The following PALLD variants were observed in gnomAD, a reference collection of about 807,000 sequenced individuals.
PALLD encodes the protein palladin.
PALLD carries 61 observed loss-of-function variants against 123.5 expected under a neutral mutation model. The observed-to-expected ratio is 0.49, with a 90% CI of 0.40 to 0.61. The LOEUF (loss-of-function observed/expected upper bound fraction) is 0.61, where lower values mean the gene tolerates loss of function less well. Among genes scored for constraint, PALLD ranks in the 20% least tolerant of loss-of-function variants. PALLD has a pLI of 0.00. For missense variants in PALLD, 1,273 were observed against 1,377.0 expected (o/e 0.92, Z 1.20); for synonymous variants, 465 against 496.4 (o/e 0.94, Z 0.84).
intron 1 of PALLD, 113 bp from the exon 2 acceptor site, chr4:168,511,310 G>C (rs1762509881): frequency 1.8e-6 from 1 of 567,116 alleles, no homozygotes; most frequent in Non-Finnish European, 3.1e-6. Flanking sequence ...GTAAAATAAA[G>C]AAAACTTATA....
chr4:168,696,375 A>G, intron 8 of PALLD, among the ~76,000 whole-genome samples: 1 of 152,122 alleles, frequency 6.6e-6, no homozygotes. Flanking sequence ...TCCAAAGATA[A>G]TGATTTGGGA....
In PALLD at chr4:168,878,043, C is replaced by T. The variant is rs958031030; in HGVS notation, c.1965-12879C>T. The T allele has an allele frequency of 8.1e-6, 12 of 1,486,866 alleles. No homozygotes were observed. The highest frequency in any genetic ancestry group is 1.1e-5 in the Non-Finnish European group (12 of 1,124,812). The allele number at this position is 1,486,866 out of a possible 1,614,324, so 92.1% of individuals were successfully genotyped here. On this transcript the variant is annotated intron_variant, in intron 10 of 21. Transcript: ENST00000505667. ...TCCAGCCCCAGCTCGTCCAGCCTCC[C>T]GTCGCCCATGTCCCCGACGCCGAGG... is the stretch of plus-strand genomic sequence containing the variant.
intron 2 of PALLD, among the ~76,000 whole-genome samples, chr4:168,602,022 G>A (rs889854460): frequency 7.9e-5 from 12 of 152,224 alleles, no homozygotes; most frequent in Non-Finnish European, 1.2e-4. Context: ...TAATGGGGCC[G>A]GGCAACCACC....
chr4:168,698,270 G>A lies in PALLD; in HGVS notation c.1501+6978G>A, dbSNP rs375334358. On this transcript the variant is annotated intron_variant, in intron 8 of 21. Transcript: ENST00000505667. Reference sequence around the variant, plus strand: ...GTACAAAAATATAGTTAGAAAGAAAGAATAAGACCTAGTATTTGATAGCAC... The same window carrying A: ...GTACAAAAATATAGTTAGAAAGAAAAAATAAGACCTAGTATTTGATAGCAC... 1.2e-4 allele frequency among the ~76,000 whole-genome samples: 19 copies of A among 152,236 alleles called. 1 individual carries two copies. The highest frequency in any genetic ancestry group is 9.6e-4 in the East Asian group (5 of 5,182).
chr4:168,667,977 G>C (rs1188432655), intron 2 of PALLD, among the ~76,000 whole-genome samples: 1 of 152,062 alleles, frequency 6.6e-6, no homozygotes, highest in Non-Finnish European at 1.5e-5. Context: ...AAATGTACAA[G>C]ATGCTTTACA....
chr4:168,676,875 A>G (rs992334809), intron 3 of PALLD, among the ~76,000 whole-genome samples: 11 of 152,100 alleles, frequency 7.2e-5, no homozygotes, highest in South Asian at 2.1e-4. Context: ...CACCGCGCCC[A>G]GCCAGTAGGT....
chr4:168,553,367 A>T (rs1056502039), intron 2 of PALLD, among the ~76,000 whole-genome samples: 8 of 152,222 alleles, frequency 5.3e-5, no homozygotes, highest in African/African-American at 1.9e-4. Context: ...AACAGAGTCT[A>T]AGTCCAAGAT....
At position 168,924,334 on chromosome 4, in the gene PALLD, G is replaced by A; in HGVS notation, c.3138G>A (p.Leu1046=). 2 of 1,613,884 alleles carry A rather than the reference G, an allele frequency of 1.2e-6. No individual in the cohort carries two copies. The highest frequency in any genetic ancestry group is 1.7e-6 in the Non-Finnish European group (2 of 1,179,852). Residue 1046 remains leucine, a synonymous_variant, in exon 19 of 22, where the codon CTG becomes CTA. Coordinates refer to ENST00000505667, the MANE Select transcript of PALLD (RefSeq NM_001166108.2). ...TGVADGYPVR[L]ECRVLGVPPP... is the part of the protein sequence containing the mutation. ...TTGCTGATGGGTACCCAGTGCGGCT[G>A]GAATGTCGTGTATTGGGAGTGCCAC...
chr4:168,916,172 GA>G, intron 17 of PALLD, 145 bp downstream of exon 17: 6 of 836,408 alleles, frequency 7.2e-6, no homozygotes, highest in South Asian at 1.4e-5. Context: ...CAGCACTTTA[GA>G]GTCCAAAGCC....
rs150651873 is a variant in PALLD, at chr4:168,690,338, T to C, written c.1336-265T>C. Among the ~76,000 whole-genome samples the C allele has an allele frequency of 1.8e-3, 275 of 152,300 alleles. 1 individual carries two copies. Among genetic ancestry groups the C allele is most frequent in the African/African-American group, 6.4e-3 (266 of 41,568 alleles). On this transcript the variant is annotated intron_variant, in intron 6 of 21. Coordinates refer to ENST00000505667, the MANE Select transcript of PALLD (RefSeq NM_001166108.2). ...TAAATGCAGAGCAGTCAGTGCAAAT[T>C]TGCAGACAGGCCAGAAAGCTCTACA...
intron 2 of PALLD, among the ~76,000 whole-genome samples, chr4:168,628,532 C>T (rs561976734): frequency 3.9e-5 from 6 of 152,278 alleles, no homozygotes; most frequent in South Asian, 4.1e-4. Context: ...CTCCTTAAGG[C>T]CTTTGCACTA....
intron 10 of PALLD, among the ~76,000 whole-genome samples, chr4:168,737,812 G>A (rs1787911800): frequency 6.6e-6 from 1 of 152,170 alleles, no homozygotes; most frequent in Non-Finnish European, 1.5e-5. Flanking sequence ...CCTTCCAAAG[G>A]GCGTAGCTTA....
At chr4:168,833,057 G>C (rs934629892) in intron 10 of PALLD, 5 of 152,466 alleles carry the variant, frequency 3.3e-5, no homozygotes, top group African/African-American at 1.2e-4. Context: ...CTGGAGCGCA[G>C]GGCTCTAGGC....
intron 10 of PALLD, among the ~76,000 whole-genome samples, chr4:168,802,590 G>A (rs751025762): frequency 1.2e-4 from 18 of 152,096 alleles, no homozygotes; most frequent in Non-Finnish European, 2.5e-4. Flanking sequence ...GTGCGGGGAG[G>A]ACATGGGTTG....
At chr4:168,890,542 A>C (rs1754008730) in intron 10 of PALLD, among the ~76,000 whole-genome samples, 1 of 152,126 alleles carries the variant, frequency 6.6e-6, no homozygotes, top group Non-Finnish European at 1.5e-5. Flanking sequence ...TATTTTTTTA[A>C]AACTTGCCCA....
In PALLD at chr4:168,606,861, A is replaced by G. The variant is rs1040125364; in HGVS notation, c.909-61329A>G. Among the ~76,000 whole-genome samples, 7 of 152,242 alleles carry G rather than the reference A, an allele frequency of 4.6e-5. No individual in the cohort carries two copies. The East Asian group carries it at 9.7e-4, about 21-fold the overall frequency. On this transcript the variant is annotated intron_variant, in intron 2 of 21. Coordinates refer to ENST00000505667, the MANE Select transcript of PALLD (RefSeq NM_001166108.2). ...TACACTGAGGGCCAGCAAAACCCACATGGCCCCTAGGCCTTCCTGAGATCA... is the reference window on the plus strand; with the variant it reads ...TACACTGAGGGCCAGCAAAACCCACGTGGCCCCTAGGCCTTCCTGAGATCA...
chr4:168,520,405 T>A (rs1763446202), intron 2 of PALLD, among the ~76,000 whole-genome samples: 1 of 151,672 alleles, frequency 6.6e-6, no homozygotes, highest in Admixed American at 6.6e-5. Flanking sequence ...GCCTTATCTC[T>A]GACTCCTACC....
intron 2 of PALLD, among the ~76,000 whole-genome samples, chr4:168,602,676 A>C (rs1228732814): frequency 6.6e-6 from 1 of 152,178 alleles, no homozygotes; most frequent in Non-Finnish European, 1.5e-5. Context: ...AATATAAATT[A>C]CCTTAAAAGT....
At chr4:168,575,459 C>A (rs187309133) in intron 2 of PALLD, among the ~76,000 whole-genome samples, 1 of 152,024 alleles carries the variant, frequency 6.6e-6, no homozygotes, top group East Asian at 1.9e-4. Flanking sequence ...TGGGGGAAAC[C>A]GCCCCCATGA....
Sources: allele counts gnomAD v4.1 joint callset (sites outside exome capture counted in the v4.1 genomes callset), GRCh38; gene constraint gnomAD v4.1.1; transcripts MANE v1.5; gene names NCBI Gene and HGNC (gene_info 2026-07-23, HGNC 2026-07-21).